The following SHANK2 variants were observed in gnomAD, a reference collection of about 807,000 sequenced individuals.
The protein encoded by SHANK2 is SH3 and multiple ankyrin repeat domains 2.
In SHANK2, 43 loss-of-function variants were observed where a neutral mutation model predicts 133.7. The ratio of observed to expected loss-of-function variants is 0.32; its 90% confidence interval spans 0.25 to 0.41. SHANK2 has a LOEUF of 0.41. Ranked by LOEUF, SHANK2 falls within the 10% of genes least tolerant of loss-of-function variation. The pLI is 1.00. For synonymous variants in SHANK2, 1,017 were observed against 952.8 expected (o/e 1.07, Z -1.24); for missense variants, 1,994 against 2,235.8 (o/e 0.89, Z 2.18).
At chr11:70,517,645 C>T (rs549734926) in intron 17 of SHANK2, among the ~76,000 whole-genome samples, 1 of 152,170 alleles carries the variant, frequency 6.6e-6, no homozygotes, top group Non-Finnish European at 1.5e-5. Context: ...AACTACATGA[C>T]ATTCTAGAAA....
intron 2 of SHANK2, among the ~76,000 whole-genome samples, chr11:71,200,656 C>T (rs149983324): frequency 6.6e-6 from 1 of 152,100 alleles, no homozygotes; most frequent in African/African-American, 2.4e-5. Flanking sequence ...TCTTCCTCAG[C>T]GGCAGCCACA....
chr11:71,110,672 G>A (rs1276265791), intron 5 of SHANK2, among the ~76,000 whole-genome samples: 1 of 152,138 alleles, frequency 6.6e-6, no homozygotes, highest in Non-Finnish European at 1.5e-5. Context: ...CCCTCGCCAG[G>A]GTGCACCACA....
chr11:70,559,300 G>A lies in SHANK2; in HGVS notation c.2062-56369C>T, dbSNP rs542206463. ...CTCTCAAAGTGCTGGCATTACAGGC[G>A]TGAGCCATCACACCCGGCCCATAGA... On this transcript the variant is annotated intron_variant, in intron 17 of 25. Coordinates refer to ENST00000601538, the MANE Select transcript of SHANK2 (RefSeq NM_012309.5). Among the ~76,000 whole-genome samples the A allele has an allele frequency of 2.0e-5, 3 of 152,278 alleles. No individual in the cohort carries two copies. The South Asian group carries it at 6.2e-4, about 32-fold the overall frequency.
chr11:70,490,475 G>A (rs989980597), intron 22 of SHANK2, 88 bp from the exon 23 acceptor site: 25 of 1,118,284 alleles, frequency 2.2e-5, no homozygotes, highest in Middle Eastern at 2.1e-4. Context: ...GGGAACTTCC[G>A]TCACTGTGGC....
intron 10 of SHANK2, among the ~76,000 whole-genome samples, chr11:70,897,355 C>T (rs117085805): frequency 3.3e-5 from 5 of 152,302 alleles, no homozygotes; most frequent in Admixed American, 6.5e-5. Context: ...TGGAGAAATA[C>T]ACATACATCT....
intron 25 of SHANK2, among the ~76,000 whole-genome samples, chr11:70,483,049 G>C (rs1359476025): frequency 6.6e-6 from 1 of 152,162 alleles, no homozygotes; most frequent in Non-Finnish European, 1.5e-5. Flanking sequence ...CTTGGTGCAG[G>C]ATGCCCTGCT....
chr11:70,546,118 T>G (rs1352211762), intron 17 of SHANK2, among the ~76,000 whole-genome samples: 1 of 93,754 alleles, frequency 1.1e-5, no homozygotes, highest in Admixed American at 1.2e-4. Context: ...TTTTTTTTTT[T>G]GTAGAGATGG....
At chr11:71,204,267 T>A (rs1555117634) in intron 2 of SHANK2, among the ~76,000 whole-genome samples, 1 of 152,224 alleles carries the variant, frequency 6.6e-6, no homozygotes, top group Non-Finnish European at 1.5e-5. Flanking sequence ...GGAAATGATC[T>A]GGAAGGGGCG....
chr11:70,955,422 G>GGCGT (rs1220747460), intron 10 of SHANK2, among the ~76,000 whole-genome samples: 1 of 146,458 alleles, frequency 6.8e-6, no homozygotes, highest in Admixed American at 6.8e-5. Flanking sequence ...AGACCCACGG[G>GGCGT]GTGTGTGTGT....
rs571364105 is a variant in SHANK2 at position 71,110,035 on chromosome 11, T to C, written c.498A>G (p.Lys166=). 7 of 1,550,076 alleles carry C rather than the reference T, an allele frequency of 4.5e-6. No homozygotes were observed. In the African/African-American group the frequency reaches 9.6e-5, roughly 21 times the overall value. The change falls in exon 6 of 26, where the codon AAA becomes AAG. Residue 166 remains lysine, a synonymous_variant. Coordinates refer to ENST00000601538, the MANE Select transcript of SHANK2 (RefSeq NM_012309.5). Reference sequence around the variant, plus strand: ...AGCGATGCTGAATGTGATCCATGCATTTCTTCAGATTGGTCTAGAAGGAAA... The same window carrying C: ...AGCGATGCTGAATGTGATCCATGCACTTCTTCAGATTGGTCTAGAAGGAAA... ...AKLHTKTNLK[K]CMDHIQHRLV...
chr11:70,557,419 C>T (rs963098951), intron 17 of SHANK2, among the ~76,000 whole-genome samples: 100 of 152,260 alleles, frequency 6.6e-4, no homozygotes, highest in African/African-American at 1.6e-3. Flanking sequence ...ACATGGAGGG[C>T]GTTCCATATG....
intron 17 of SHANK2, among the ~76,000 whole-genome samples, chr11:70,584,565 C>A (rs921238934): frequency 6.6e-6 from 1 of 152,136 alleles, no homozygotes; most frequent in Non-Finnish European, 1.5e-5. Context: ...AGGCCCTAGG[C>A]CCCAGAGCTC....
chr11:70,863,897 T>C (rs2135513770), intron 11 of SHANK2: 1 of 456,868 alleles, frequency 2.2e-6, no homozygotes, highest in Non-Finnish European at 4.4e-6. Flanking sequence ...AAACCAGCCC[T>C]GGGACACCCT....
At chr11:71,158,315 T>TA (rs1952942032) in intron 2 of SHANK2, among the ~76,000 whole-genome samples, 2 of 152,130 alleles carry the variant, frequency 1.3e-5, no homozygotes, top group Admixed American at 1.3e-4. Flanking sequence ...ATTGTTACAT[T>TA]AGCAATAAAC....
At chr11:70,827,879 C>A (rs1948669657) in intron 11 of SHANK2, among the ~76,000 whole-genome samples, 1 of 152,106 alleles carries the variant, frequency 6.6e-6, no homozygotes, top group Non-Finnish European at 1.5e-5. Context: ...GAAGGCGTAC[C>A]AGGGACGGGA....
rs1555153649 is a variant in SHANK2, at chr11:70,486,486, G to A, written c.3807C>T (p.Thr1269=). Residue 1269 remains threonine (T), a synonymous_variant, in exon 25 of 26, where the codon ACC becomes ACT. Transcript: ENST00000601538. This position sits in a 1 kb window ranked among gnomAD's most constrained non-coding sequence, Gnocchi z 8.0. The part of the protein sequence containing the change: ...AGFPTVTRQN[T]RGPLRRQETE... ...TCTCCTGCCGCCTCAGGGGTCCCCG[G>A]GTGTTCTGCCTGGTGACCGTAGGGA... 6.2e-7 allele frequency: 1 copy of A among 1,614,132 alleles called. No homozygotes were observed. Among genetic ancestry groups the A allele is most frequent in the South Asian group, 1.1e-5 (1 of 91,086 alleles).
At chr11:70,893,906 C>A (rs886398752) in intron 11 of SHANK2, among the ~76,000 whole-genome samples, 7 of 152,142 alleles carry the variant, frequency 4.6e-5, no homozygotes, top group Non-Finnish European at 8.8e-5. Flanking sequence ...GTCACGTGAG[C>A]CTGTGGTGGG....
intron 17 of SHANK2, among the ~76,000 whole-genome samples, chr11:70,607,730 G>A (rs2060598168): frequency 6.6e-6 from 1 of 152,230 alleles, no homozygotes; most frequent in African/African-American, 2.4e-5. Context: ...CCACCATCCT[G>A]TGAGCAGGCA....
intron 2 of SHANK2, among the ~76,000 whole-genome samples, chr11:71,149,386 G>T (rs572356073): frequency 3.9e-5 from 6 of 152,286 alleles, no homozygotes; most frequent in Non-Finnish European, 8.8e-5. Context: ...CTTTCCTAAA[G>T]ATTGGCCGCC....
Sources: allele counts gnomAD v4.1 joint callset (sites outside exome capture counted in the v4.1 genomes callset), GRCh38; gene constraint gnomAD v4.1.1; non-coding constraint Gnocchi (gnomAD v3.1); transcripts MANE v1.5; gene names NCBI Gene and HGNC (gene_info 2026-07-23, HGNC 2026-07-21).